NKAIN3: variants seen among roughly 807,000 people sequenced by gnomAD.
NKAIN3 encodes sodium/potassium-transporting ATPase subunit beta-1-interacting protein 3.
In NKAIN3, 25 loss-of-function variants were observed where a neutral mutation model predicts 30.2. That is an observed-to-expected ratio of 0.83 (90% CI 0.60 to 1.16). NKAIN3 has a LOEUF of 1.16. Ranked by LOEUF, NKAIN3 falls within the 50% of genes most tolerant of loss-of-function variation. The pLI, the probability that NKAIN3 is intolerant of heterozygous loss-of-function variation, is 0.00. For missense variants in NKAIN3, 225 were observed against 254.1 expected, an observed-to-expected ratio of 0.89 and a Z score of 0.78; for synonymous variants, 91 against 89.6, an observed-to-expected ratio of 1.02 and a Z score of -0.09.
intron 1 of NKAIN3, among the ~76,000 whole-genome samples, chr8:62,558,151 T>G (rs1585944082): frequency 6.6e-6 from 1 of 152,264 alleles, no homozygotes; most frequent in East Asian, 1.9e-4. Context: ...CCAGCACAAC[T>G]TGTTGAATAG....
chr8:62,650,836 A>G (rs1345910213), intron 3 of NKAIN3, among the ~76,000 whole-genome samples: 1 of 152,160 alleles, frequency 6.6e-6, no homozygotes, highest in East Asian at 1.9e-4. Flanking sequence ...ATATTTTTAA[A>G]TATATATAGA....
chr8:62,687,778 C>G (rs1447793047), intron 3 of NKAIN3, among the ~76,000 whole-genome samples: 2 of 152,130 alleles, frequency 1.3e-5, no homozygotes, highest in African/African-American at 2.4e-5. Context: ...TTTGATCTTT[C>G]TCTCAAATAT....
chr8:62,721,922 T>C (rs1419821140), intron 3 of NKAIN3, among the ~76,000 whole-genome samples: 1 of 152,170 alleles, frequency 6.6e-6, no homozygotes, highest in Non-Finnish European at 1.5e-5. Flanking sequence ...CTGGCAAGTG[T>C]CCCTGTGGAT....
At chr8:62,624,317 A>G (rs1586021274) in intron 3 of NKAIN3, among the ~76,000 whole-genome samples, 1 of 151,754 alleles carries the variant, frequency 6.6e-6, no homozygotes, top group East Asian at 1.9e-4. Context: ...GTTTTGTCCA[A>G]CCCCTATTCA....
At chr8:62,697,316 G>A (rs1002597907) in intron 3 of NKAIN3, among the ~76,000 whole-genome samples, 2 of 152,098 alleles carry the variant, frequency 1.3e-5, no homozygotes, top group Non-Finnish European at 1.5e-5. Flanking sequence ...GCTGCCTTGC[G>A]GTCCCTCTGC....
chr8:62,925,479 T>A (rs1822407561), intron 5 of NKAIN3, among the ~76,000 whole-genome samples: 1 of 152,234 alleles, frequency 6.6e-6, no homozygotes, highest in Non-Finnish European at 1.5e-5. Context: ...TTACATTATC[T>A]GGAAATTTTC....
At chr8:62,415,339 AATAG>A (rs1190702015) in intron 1 of NKAIN3, among the ~76,000 whole-genome samples, 5 of 147,570 alleles carry the variant, frequency 3.4e-5, no homozygotes, top group African/African-American at 4.9e-5. Flanking sequence ...TGAGATGATA[AATAG>A]ATGATGATGA....
chr8:62,911,595 C>T (rs913913904), intron 4 of NKAIN3, among the ~76,000 whole-genome samples: 2 of 151,990 alleles, frequency 1.3e-5, no homozygotes, highest in Non-Finnish European at 2.9e-5. Flanking sequence ...ATTTTAGTCA[C>T]AGTTTATAGG....
At chr8:62,430,939 G>A (rs1307319189) in intron 1 of NKAIN3, among the ~76,000 whole-genome samples, 1 of 151,842 alleles carries the variant, frequency 6.6e-6, no homozygotes, top group Non-Finnish European at 1.5e-5. Flanking sequence ...GAAAAAGCAG[G>A]AAAGTATTAT....
intron 1 of NKAIN3, among the ~76,000 whole-genome samples, chr8:62,490,300 G>A (rs1460181482): frequency 6.6e-6 from 1 of 152,158 alleles, no homozygotes. Context: ...CCATGCCCAT[G>A]GGTCCTAACC....
At chr8:62,370,475 G>T (rs1039096284) in intron 1 of NKAIN3, among the ~76,000 whole-genome samples, 1 of 151,864 alleles carries the variant, frequency 6.6e-6, no homozygotes. Context: ...TGTGGAAATT[G>T]CATACATGTA....
intron 3 of NKAIN3, among the ~76,000 whole-genome samples, chr8:62,675,194 A>G (rs1368431695): frequency 6.6e-6 from 1 of 152,224 alleles, no homozygotes; most frequent in African/African-American, 2.4e-5. Flanking sequence ...AGAGCTTTGT[A>G]GACTGCAAAG....
At chr8:62,306,260 C>T (rs1455870998) in intron 1 of NKAIN3, among the ~76,000 whole-genome samples, 1 of 149,968 alleles carries the variant, frequency 6.7e-6, no homozygotes, top group Non-Finnish European at 1.5e-5. Context: ...TTTATCATTG[C>T]TTGTCAAGGA....
In NKAIN3 at chr8:62,704,383, T is replaced by C. The variant is rs972576137; in HGVS notation, c.274-42549T>C. On this transcript the variant is annotated intron_variant, in intron 3 of 6. Transcript: ENST00000623646. Reference sequence around the variant, plus strand: ...CTTGGCTTTCTGCAGATATGAACAATAGTCCTTTTTTCTAGAGAAGGAGAG... The same window carrying C: ...CTTGGCTTTCTGCAGATATGAACAACAGTCCTTTTTTCTAGAGAAGGAGAG... Among the ~76,000 whole-genome samples the C allele has an allele frequency of 7.2e-5, 11 of 152,158 alleles. No homozygotes were observed. The South Asian group carries it at 2.3e-3, about 32-fold the overall frequency.
chr8:62,600,588 AT>A (rs1302498510), intron 3 of NKAIN3, among the ~76,000 whole-genome samples: 2 of 152,022 alleles, frequency 1.3e-5, no homozygotes, highest in African/African-American at 4.8e-5. Flanking sequence ...TTCATTTCCC[AT>A]TATAGCAAGT....
intron 5 of NKAIN3, among the ~76,000 whole-genome samples, chr8:62,934,035 G>T (rs762548478): frequency 6.6e-6 from 1 of 152,168 alleles, no homozygotes; most frequent in African/African-American, 2.4e-5. Flanking sequence ...AGCACAATTT[G>T]TGTGTCTTTA....
At chr8:62,422,289 A>G (rs938798365) in intron 1 of NKAIN3, among the ~76,000 whole-genome samples, 1 of 152,132 alleles carries the variant, frequency 6.6e-6, no homozygotes, top group African/African-American at 2.4e-5. Context: ...CCTTTCCTAG[A>G]AAAACAATGT....
At chr8:62,323,521 G>A (rs1815012063) in intron 1 of NKAIN3, among the ~76,000 whole-genome samples, 1 of 152,174 alleles carries the variant, frequency 6.6e-6, no homozygotes, top group Admixed American at 6.5e-5. Context: ...TGCTGAACAG[G>A]TGTCCTCGCA....
downstream of NKAIN3, among the ~76,000 whole-genome samples, chr8:62,989,522 A>T (rs533709051): frequency 6.6e-6 from 1 of 152,056 alleles, no homozygotes; most frequent in African/African-American, 2.4e-5. Flanking sequence ...CAAGATCAGC[A>T]CATGAAAGAC....
Sources: allele counts gnomAD v4.1 joint callset (sites outside exome capture counted in the v4.1 genomes callset), GRCh38; gene constraint gnomAD v4.1.1; transcripts MANE v1.5; gene names NCBI Gene and HGNC (gene_info 2026-07-23, HGNC 2026-07-21).